ZNF211: variants seen among roughly 807,000 people sequenced by gnomAD.
The protein encoded by ZNF211 is zinc finger protein 211.
ZNF211 carries 18 observed loss-of-function variants against 12.1 expected under a neutral mutation model. That is an observed-to-expected ratio of 1.48 (90% CI 1.03 to 2.20). The LOEUF (loss-of-function observed/expected upper bound fraction) is 2.20, where lower values mean the gene tolerates loss of function less well. Ranked by LOEUF, ZNF211 falls within the 30% of genes most tolerant of loss-of-function variation. The probability of loss-of-function intolerance (pLI) is 0.00; values close to 1 mark genes in which losing one functional copy is unlikely to be tolerated. For synonymous variants in ZNF211, 249 were observed against 246.0 expected (o/e 1.01, Z -0.11); for missense variants, 677 against 703.1 (o/e 0.96, Z 0.42).
chr19:57,634,163 C>T (rs181001064), intron 2 of ZNF211, 102 bp downstream of exon 2: 3 of 1,315,492 alleles, frequency 2.3e-6, no homozygotes, highest in Non-Finnish European at 2.1e-6. Flanking sequence ...ACTCACCTAC[C>T]ATTCTCTCAG....
chr19:57,635,320 C>T (rs1424473494), intron 3 of ZNF211, among the ~76,000 whole-genome samples: 1 of 152,158 alleles, frequency 6.6e-6, no homozygotes, highest in African/African-American at 2.4e-5. Flanking sequence ...AGTACATTCG[C>T]ATTATTGTGC....
intron 1 of ZNF211, chr19:57,633,750 A>G (rs1373330113): frequency 6.5e-7 from 1 of 1,534,030 alleles, no homozygotes; most frequent in Non-Finnish European, 8.7e-7. Flanking sequence ...CAAACGAGAG[A>G]CACCATCTGA....
intron 3 of ZNF211, 74 bp from the exon 4 acceptor site, chr19:57,640,630 A>G: frequency 6.5e-7 from 1 of 1,548,584 alleles, no homozygotes; most frequent in Non-Finnish European, 8.7e-7. Context: ...GCTGTAACTG[A>G]TGTGCATTTG....
chr19:57,633,963 G>A, intron 1 of ZNF211, 60 bp from the exon 2 acceptor site: 1 of 1,599,458 alleles, frequency 6.3e-7, no homozygotes, highest in Non-Finnish European at 8.5e-7. Flanking sequence ...TACAGGGAAG[G>A]CCTGTGCCCA....
In ZNF211 at chr19:57,641,611, G is replaced by A. The variant is rs1354678195; in HGVS notation, c.1164G>A (p.Gly388=). 6 of 1,613,150 alleles carry A rather than the reference G, an allele frequency of 3.7e-6. No homozygotes were observed. Among genetic ancestry groups the A allele is most frequent in the Admixed American group, 1.7e-5 (1 of 59,960 alleles). The change falls in exon 4 of 4, where the codon GGG becomes GGA. Residue 388 remains glycine, a synonymous_variant. Transcript: ENST00000240731. ...GERPYECSEC[G]KSFSQNFSLI... ...GGCCTTATGAATGCAGCGAATGTGG[G>A]AAATCTTTTAGCCAAAACTTTAGCC... is the stretch of plus-strand genomic sequence containing the variant.
rs1982893935 is a variant in ZNF211 at position 57,641,294 on chromosome 19, T to G, written c.847T>G (p.Cys283Gly). ...ATGTGGGAAAGCATGTACGCGAAGATGTAACCTCATTCAGCACCAGAAAGT... is the reference window on the plus strand; with the variant it reads ...ATGTGGGAAAGCATGTACGCGAAGAGGTAACCTCATTCAGCACCAGAAAGT... ...SKCGKACTRR[C>G]NLIQHQKVHS... The change falls in exon 4 of 4, where the codon TGT (cysteine) becomes GGT (glycine). Residue 283 changes from cysteine (C) to glycine (G), a missense_variant. Cys to Gly is a radical substitution (Grantham distance 159, BLOSUM62 -3). Coordinates refer to ENST00000240731, the MANE Select transcript of ZNF211 (RefSeq NM_006385.5). 1.2e-6 allele frequency: 2 copies of G among 1,614,190 alleles called. No homozygotes were observed. The highest frequency in any genetic ancestry group is 3.3e-5 in the Admixed American group (2 of 60,020).
In ZNF211 at chr19:57,643,153, C is replaced by G. The variant is rs763012298; in HGVS notation, c.*972C>G. Among the ~76,000 whole-genome samples the G allele has an allele frequency of 2.6e-5, 4 of 152,032 alleles. No individual in the cohort carries two copies. ...CAGCACTGTTGAGGCAGTCTACCCC[C>G]AGTGCTGCCAAGGAGCCAAGTGCCC... is the stretch of plus-strand genomic sequence containing the variant. On this transcript the variant is annotated 3_prime_UTR_variant, in exon 4 of 4. Coordinates refer to ENST00000240731, the MANE Select transcript of ZNF211 (RefSeq NM_006385.5).
intron 1 of ZNF211, 49 bp from the exon 2 acceptor site, chr19:57,633,974 T>G (rs779055211): frequency 1.9e-6 from 3 of 1,600,038 alleles, no homozygotes; most frequent in Non-Finnish European, 2.6e-6. Context: ...CCTGTGCCCA[T>G]GGAGCACTGC....
chr19:57,634,901 C>T (rs779657756), intron 3 of ZNF211, 146 bp downstream of exon 3: 11 of 1,272,498 alleles, frequency 8.6e-6, no homozygotes, highest in Non-Finnish European at 1.1e-5. Context: ...TGAGTGCAAG[C>T]CTACTTCCCT....
In ZNF211 at chr19:57,633,193, A is replaced by C. The variant is rs10420097; in HGVS notation, c.-154A>C. 54 of 674,756 alleles carry C rather than the reference A, an allele frequency of 8.0e-5. No homozygotes were observed. The South Asian group carries it at 9.6e-4, about 12-fold the overall frequency. The allele number at this position is 674,756 out of a possible 1,614,324, so 41.8% of individuals were successfully genotyped here. The stretch of plus-strand genomic sequence containing the variant: ...AGGGCGGGACTTGTGGCGTCTTCGC[A>C]GCGGTCATTTTGGCTGCCCTCCCGG... On this transcript the variant is annotated 5_prime_UTR_variant, in exon 1 of 4. Transcript: ENST00000240731.
At chr19:57,638,667 A>G (rs972294561) in intron 3 of ZNF211, among the ~76,000 whole-genome samples, 1 of 152,214 alleles carries the variant, frequency 6.6e-6, no homozygotes, top group Non-Finnish European at 1.5e-5. Context: ...TTTGGTACAC[A>G]TGAGGGGAAT....
chr19:57,633,914 G>A lies in ZNF211; in HGVS notation c.91-109G>A, dbSNP rs1313594722. 5 of 1,608,726 alleles carry A rather than the reference G, an allele frequency of 3.1e-6. No individual in the cohort carries two copies. The South Asian group carries it at 5.5e-5, about 18-fold the overall frequency. ...AGGACCGAGGCGCACAGGTTAGACAGTCGACCCAAAGTTACGTGGCTCTGG... is the reference window on the plus strand; with the variant it reads ...AGGACCGAGGCGCACAGGTTAGACAATCGACCCAAAGTTACGTGGCTCTGG... On this transcript the variant is annotated intron_variant, in intron 1 of 3. Transcript: ENST00000240731.
rs570891655 is a variant in ZNF211, at chr19:57,642,248, C to T, written c.*67C>T. ...TGAAGGAGTACACCTGTGAGAGAGA[C>T]AAGTACCTGATTTGGAAGCCCCAAC... On this transcript the variant is annotated 3_prime_UTR_variant, in exon 4 of 4. Transcript: ENST00000240731. 1.3e-6 allele frequency: 2 copies of T among 1,488,714 alleles called. No individual in the cohort carries two copies. The highest frequency in any genetic ancestry group is 1.8e-6 in the Non-Finnish European group (2 of 1,114,864). 92.2% of individuals were successfully genotyped at this position (1,488,714 alleles called of 1,614,324 possible). A position where few individuals can be genotyped will look rare whatever the true frequency, so the allele number is the denominator to read the frequency against.
chr19:57,633,698 T>G, intron 1 of ZNF211: 2 of 1,533,668 alleles, frequency 1.3e-6, no homozygotes, highest in Non-Finnish European at 8.7e-7. Context: ...GAGAGAGATC[T>G]ACCTTTATTC....
Position 57,642,306 on chromosome 19 carries a change from A to G in ZNF211, c.*125A>G, listed in dbSNP as rs1983085919. The G allele has an allele frequency of 9.3e-7, 1 of 1,080,786 alleles. No individual in the cohort carries two copies. The highest frequency in any genetic ancestry group is 1.6e-5 in the African/African-American group (1 of 63,400). The allele number at this position is 1,080,786 out of a possible 1,614,324, so 66.9% of individuals were successfully genotyped here. A position where few individuals can be genotyped will look rare whatever the true frequency, so the allele number is the denominator to read the frequency against. On this transcript the variant is annotated 3_prime_UTR_variant, in exon 4 of 4. Coordinates refer to ENST00000240731, the MANE Select transcript of ZNF211 (RefSeq NM_006385.5). ...GATATACAGTGGGCGGATTCCCCTT[A>G]AGTTCCAGGTATGTGTTACACTTTC...
chr19:57,634,557 T>G, intron 2 of ZNF211, 72 bp from the exon 3 acceptor site: 1 of 1,448,784 alleles, frequency 6.9e-7, no homozygotes, highest in Non-Finnish European at 9.1e-7. Flanking sequence ...GGGAGGAGAA[T>G]GTATGGGGAC....
At position 57,640,728 on chromosome 19, in the gene ZNF211, A is replaced by C. The variant is rs1252629453; in HGVS notation, c.281A>C (p.Glu94Ala). Reference sequence around the variant, plus strand: ...GGTTGTTGGTGTGGAGTGGAACATGAGGAAACACCTTCTGAACAGAGAATT... The same window carrying C: ...GGTTGTTGGTGTGGAGTGGAACATGCGGAAACACCTTCTGAACAGAGAATT... The part of the protein sequence containing the change: ...SLGCWCGVEH[E>A]ETPSEQRISG... Residue 94 changes from glutamate to alanine, a missense_variant, in exon 4 of 4, where the codon GAG becomes GCG. Physicochemically the swap from Glu to Ala is moderately radical, Grantham distance 107 (BLOSUM62 -1). Coordinates refer to ENST00000240731, the MANE Select transcript of ZNF211 (RefSeq NM_006385.5). The C allele has an allele frequency of 6.2e-7, 1 of 1,614,066 alleles. No individual in the cohort carries two copies. Among genetic ancestry groups the C allele is most frequent in the African/African-American group, 1.3e-5 (1 of 74,942 alleles).
Position 57,633,364 on chromosome 19 carries a change from G to C in ZNF211, c.18G>C (p.Pro6=). 6.3e-7 allele frequency: 1 copy of C among 1,597,826 alleles called. No homozygotes were observed. Among genetic ancestry groups the C allele is most frequent in the Admixed American group, 1.7e-5 (1 of 58,494 alleles). Reference sequence around the variant, plus strand: ...GGATAGCGATGCTCGGGTTCCCCCCGGGTCGCCCGCAGCTCCCGGTCCAGC... The same window carrying C: ...GGATAGCGATGCTCGGGTTCCCCCCCGGTCGCCCGCAGCTCCCGGTCCAGC... The part of the protein sequence containing the change: MLGFP[P]GRPQLPVQLR... The change falls in exon 1 of 4, where the codon CCG becomes CCC. Residue 6 remains proline (P), a synonymous_variant. Coordinates refer to ENST00000240731, the MANE Select transcript of ZNF211 (RefSeq NM_006385.5).
chr19:57,636,247 G>T (rs534281050), intron 3 of ZNF211, among the ~76,000 whole-genome samples: 1 of 152,186 alleles, frequency 6.6e-6, no homozygotes, highest in African/African-American at 2.4e-5. Flanking sequence ...TCATTTTGAT[G>T]AATTCAGTTT....
Sources: allele counts gnomAD v4.1 joint callset (sites outside exome capture counted in the v4.1 genomes callset), GRCh38; gene constraint gnomAD v4.1.1; transcripts MANE v1.5; gene names NCBI Gene and HGNC (gene_info 2026-07-23, HGNC 2026-07-21).